ARB2A: variants seen among roughly 807,000 people sequenced by gnomAD.
ARB2A encodes cotranscriptional regulator ARB2A.
chr5:93,828,616 C>G, the ARB2A span, among the ~76,000 whole-genome samples: 2 of 152,090 alleles, frequency 1.3e-5, no homozygotes, highest in African/African-American at 2.4e-5. Context: ...TCTAGCCTAG[C>G]CTAGTAGTGA....
the ARB2A span, among the ~76,000 whole-genome samples, chr5:93,755,721 G>A: frequency 0.086 from 13,095 of 152,292 alleles, 770 homozygotes; most frequent in Middle Eastern, 0.17. Flanking sequence ...CAGCAGAAAC[G>A]CGCTGGGAGC....
the ARB2A span, among the ~76,000 whole-genome samples, chr5:93,876,870 T>C: frequency 6.6e-6 from 1 of 152,148 alleles, no homozygotes; most frequent in Non-Finnish European, 1.5e-5. Context: ...AGCTTTAGTT[T>C]ATCAGAGTTG....
the ARB2A span, among the ~76,000 whole-genome samples, chr5:94,041,249 G>T: frequency 3.3e-5 from 5 of 151,630 alleles, no homozygotes; most frequent in African/African-American, 1.2e-4. Context: ...CTTCTGTATT[G>T]TCTGTCATAA....
the ARB2A span, among the ~76,000 whole-genome samples, chr5:93,655,929 ATTTG>A: frequency 6.6e-6 from 1 of 152,154 alleles, no homozygotes; most frequent in African/African-American, 2.4e-5. Context: ...GAAATCATTT[ATTTG>A]TTTGGGTGTT....
the ARB2A span, among the ~76,000 whole-genome samples, chr5:93,709,909 T>G: frequency 6.6e-6 from 1 of 152,140 alleles, no homozygotes; most frequent in South Asian, 2.1e-4. Flanking sequence ...AGTATAAAAC[T>G]TTTAAGAAGC....
At chr5:93,834,098 G>A in the ARB2A span, among the ~76,000 whole-genome samples, 13 of 152,098 alleles carry the variant, frequency 8.5e-5, no homozygotes, top group East Asian at 1.5e-3. Flanking sequence ...CAAATATATC[G>A]TCTGAACCCA....
the ARB2A span, among the ~76,000 whole-genome samples, chr5:93,957,732 T>C: frequency 2.0e-5 from 3 of 152,098 alleles, no homozygotes; most frequent in Non-Finnish European, 4.4e-5. Context: ...GGAGCTGGGC[T>C]GAGCCTTCAT....
the ARB2A span, among the ~76,000 whole-genome samples, chr5:93,751,793 C>T: frequency 3.9e-5 from 6 of 152,294 alleles, no homozygotes; most frequent in East Asian, 9.6e-4. Context: ...AGATTTATTA[C>T]TGGTGACTTG....
At chr5:93,768,904 A>G in the ARB2A span, among the ~76,000 whole-genome samples, 1 of 152,042 alleles carries the variant, frequency 6.6e-6, no homozygotes, top group Non-Finnish European at 1.5e-5. Flanking sequence ...GTTAATAATG[A>G]ACAACAAGGC....
the ARB2A span, among the ~76,000 whole-genome samples, chr5:93,930,124 T>C: frequency 2.0e-5 from 3 of 152,186 alleles, no homozygotes; most frequent in Non-Finnish European, 4.4e-5. Flanking sequence ...ATAAAGTGTA[T>C]GTATCCAAGA....
At chr5:93,783,953 A>T in the ARB2A span, among the ~76,000 whole-genome samples, 2 of 152,254 alleles carry the variant, frequency 1.3e-5, no homozygotes, top group East Asian at 3.9e-4. Flanking sequence ...TAGTCAGCCA[A>T]TCCATTTAAG....
the ARB2A span, among the ~76,000 whole-genome samples, chr5:93,713,827 G>A: frequency 6.6e-6 from 1 of 152,270 alleles, no homozygotes; most frequent in East Asian, 1.9e-4. Flanking sequence ...GAATTCTAGG[G>A]AAGATTTCTC....
At chr5:93,704,684 G>A in the ARB2A span, among the ~76,000 whole-genome samples, 1 of 152,210 alleles carries the variant, frequency 6.6e-6, no homozygotes, top group Non-Finnish European at 1.5e-5. Flanking sequence ...GCAGTGGAAA[G>A]CCTGACTGAA....
At chr5:93,873,440 G>A in the ARB2A span, among the ~76,000 whole-genome samples, 3 of 150,804 alleles carry the variant, frequency 2.0e-5, no homozygotes, top group Non-Finnish European at 4.4e-5. Flanking sequence ...AAAGGAAAGG[G>A]AAAGGAAAGG....
the ARB2A span, among the ~76,000 whole-genome samples, chr5:93,714,012 C>T: frequency 6.6e-6 from 1 of 152,128 alleles, no homozygotes; most frequent in Non-Finnish European, 1.5e-5. Flanking sequence ...CCTGTGGCCT[C>T]CAGCCTTTAG....
At chr5:93,686,665 G>A in the ARB2A span, among the ~76,000 whole-genome samples, 3 of 152,094 alleles carry the variant, frequency 2.0e-5, no homozygotes, top group Non-Finnish European at 4.4e-5. Context: ...AGGCCCCACT[G>A]TCCATTTAAG....
chr5:93,949,376 C>G, the ARB2A span, among the ~76,000 whole-genome samples: 2 of 151,878 alleles, frequency 1.3e-5, no homozygotes, highest in African/African-American at 2.4e-5. Context: ...TCCTGGCCAA[C>G]ACGGTGAAAC....
the ARB2A span, chr5:93,824,357 C>T: frequency 1.2e-6 from 1 of 810,848 alleles, no homozygotes; most frequent in Non-Finnish European, 1.8e-6. Context: ...GCATACACAG[C>T]ATATGAAATA....
At chr5:93,847,520 T>C in the ARB2A span, among the ~76,000 whole-genome samples, 2 of 152,086 alleles carry the variant, frequency 1.3e-5, no homozygotes, top group Non-Finnish European at 2.9e-5. Flanking sequence ...AAAATAATTA[T>C]ATTTATTTTG....
Sources: allele counts gnomAD v4.1 joint callset (sites outside exome capture counted in the v4.1 genomes callset), GRCh38; gene constraint gnomAD v4.1.1; transcripts MANE v1.5; gene names NCBI Gene and HGNC (gene_info 2026-07-23, HGNC 2026-07-21).